Variants in RMDN1 observed in about 807,000 individuals in gnomAD.
The protein encoded by RMDN1 is regulator of microtubule dynamics protein 1.
RMDN1 carries 48 observed loss-of-function variants against 48.9 expected under a neutral mutation model. That is an observed-to-expected ratio of 0.98 (90% CI 0.78 to 1.25). The LOEUF (loss-of-function observed/expected upper bound fraction) is 1.25. RMDN1 is among the 50% of genes most tolerant of loss of function. RMDN1 has a pLI of 0.00. For missense variants in RMDN1, 418 were observed against 373.4 expected (o/e 1.12, Z -0.98); for synonymous variants, 148 against 132.6 (o/e 1.12, Z -0.80).
intron 8 of RMDN1, among the ~76,000 whole-genome samples, chr8:86,476,569 C>T (rs1056888824): frequency 5.3e-5 from 8 of 152,220 alleles, no homozygotes; most frequent in Non-Finnish European, 8.8e-5. Flanking sequence ...GGGCTGGTGG[C>T]AGTTTCATAG....
rs138294461 is a variant in RMDN1 at position 86,474,834 on chromosome 8, C to G, written c.880G>C (p.Glu294Gln). Reference sequence around the variant, plus strand: ...AGATGTTTTACCTGTTTATCCTCCTCTGTGTGTGCTGGATAGTCCTTGGCT... The same window carrying G: ...AGATGTTTTACCTGTTTATCCTCCTGTGTGTGTGCTGGATAGTCCTTGGCT... ...MKAKDYPAHT[E>Q]EDKQIQTEAA... The change falls in exon 9 of 10, where the codon GAG (glutamate) becomes CAG (glutamine). Residue 294 changes from glutamate (E) to glutamine (Q), a missense_variant. By Grantham distance (29) the Glu-to-Gln change is conservative (BLOSUM62 2). Coordinates refer to ENST00000406452, the MANE Select transcript of RMDN1 (RefSeq NM_016033.3). 7.9e-5 allele frequency: 127 copies of G among 1,609,552 alleles called. No homozygotes were observed. The highest frequency in any genetic ancestry group is 1.7e-4 in the Middle Eastern group (1 of 6,054).
At chr8:86,468,308 G>A (rs982956219), downstream of RMDN1, 1 of 426,858 alleles carries the variant, frequency 2.3e-6, no homozygotes, top group East Asian at 7.1e-5. Flanking sequence ...TATTGAGAGT[G>A]TGTTCTCCAT....
rs903339056 is a variant in RMDN1 at position 86,478,934 on chromosome 8, T to G, written c.718A>C (p.Thr240Pro). 1 of 1,613,228 alleles carries G rather than the reference T, an allele frequency of 6.2e-7. No individual in the cohort carries two copies. The highest frequency in any genetic ancestry group is 8.5e-7 in the Non-Finnish European group (1 of 1,179,388). ...KMLFATPPSS[T>P]YEKALGYFHR... is the part of the protein sequence containing the mutation. ...GGACATCATACTACCTTCTCATAGG[T>G]GGAACTAGGAGGAGTTGCAAACAGC... The change falls in exon 7 of 10, where the codon ACC becomes CCC. Residue 240 changes from threonine to proline, a missense_variant. Coordinates refer to ENST00000406452, the MANE Select transcript of RMDN1 (RefSeq NM_016033.3).
At chr8:86,507,563 C>A (rs912655291) in intron 1 of RMDN1, among the ~76,000 whole-genome samples, 4 of 152,118 alleles carry the variant, frequency 2.6e-5, no homozygotes, top group Admixed American at 2.6e-4. Context: ...TGGTTTCAAA[C>A]CCCTGGACTC....
intron 8 of RMDN1, 23 bp from the exon 9 acceptor site, chr8:86,474,976 G>C (rs759896641): frequency 6.4e-7 from 1 of 1,569,134 alleles, no homozygotes; most frequent in Non-Finnish European, 8.6e-7. Context: ...AAGAAAAAAT[G>C]ATCTCAGAGG....
chr8:86,501,069 C>T (rs558225154), intron 2 of RMDN1, among the ~76,000 whole-genome samples: 1 of 152,020 alleles, frequency 6.6e-6, no homozygotes, highest in South Asian at 2.1e-4. Context: ...AGGAGGTAGG[C>T]GAGTGTCAAA....
chr8:86,507,205 C>T, intron 1 of RMDN1, 93 bp from the exon 2 acceptor site: 1 of 727,120 alleles, frequency 1.4e-6, no homozygotes, highest in African/African-American at 1.8e-5. Context: ...CTCCCACCCC[C>T]AAAGCAATCG....
At position 86,484,938 on chromosome 8, in the gene RMDN1, A is replaced by G; in HGVS notation, c.519T>C (p.Asp173=). 1.2e-6 allele frequency: 2 copies of G among 1,604,510 alleles called. No individual in the cohort carries two copies. The highest frequency in any genetic ancestry group is 1.7e-6 in the Non-Finnish European group (2 of 1,173,622). The change falls in exon 5 of 10, where the codon GAT becomes GAC. Residue 173 remains aspartate (D), a synonymous_variant. Transcript: ENST00000406452. ...SHKWYAICLS[D]VGDYEGIKAK... is the part of the protein sequence containing the mutation. ...CCTTGATGCCTTCATAATCTCCAACATCACTAAGGCAGATTGCATACCACT... is the reference window on the plus strand; with the variant it reads ...CCTTGATGCCTTCATAATCTCCAACGTCACTAAGGCAGATTGCATACCACT...
chr8:86,481,661 G>T, intron 5 of RMDN1: 1 of 366,848 alleles, frequency 2.7e-6, no homozygotes, highest in Non-Finnish European at 5.1e-6. Flanking sequence ...AAGACCCAAT[G>T]GATGTAGGTT....
chr8:86,489,097 C>G (rs1472156271), intron 2 of RMDN1, among the ~76,000 whole-genome samples: 1 of 152,172 alleles, frequency 6.6e-6, no homozygotes, highest in African/African-American at 2.4e-5. Context: ...CTGTTAACTA[C>G]CAACCATTGT....
Position 86,480,323 on chromosome 8 carries a change from C to G in RMDN1, c.595G>C (p.Glu199Gln), listed in dbSNP as rs1306372773. The change falls in exon 6 of 10, where the codon GAA becomes CAA. Residue 199 changes from glutamate (E) to glutamine (Q), a missense_variant. Glu to Gln is a conservative substitution (Grantham distance 29). Coordinates refer to ENST00000406452, the MANE Select transcript of RMDN1 (RefSeq NM_016033.3). ...IIKEHFEKAI[E>Q]LNPKDATSIH... Reference sequence around the variant, plus strand: ...GAAGTAGCATCTTTAGGGTTCAGTTCAATTGCTTTCTAACAAGAAATGAGA... The same window carrying G: ...GAAGTAGCATCTTTAGGGTTCAGTTGAATTGCTTTCTAACAAGAAATGAGA... 2.6e-6 allele frequency: 4 copies of G among 1,527,688 alleles called. No individual in the cohort carries two copies. The highest frequency in any genetic ancestry group is 2.7e-6 in the Non-Finnish European group (3 of 1,122,562). 94.6% of individuals were successfully genotyped at this position (1,527,688 alleles called of 1,614,324 possible). A position where few individuals can be genotyped will look rare whatever the true frequency, so the allele number is the denominator to read the frequency against.
downstream of RMDN1, among the ~76,000 whole-genome samples, chr8:86,471,573 C>T (rs1043399126): frequency 1.3e-5 from 2 of 151,534 alleles, no homozygotes; most frequent in Admixed American, 6.6e-5. Context: ...GAAAAAAATT[C>T]GGAGAAAAAG....
At chr8:86,485,486 T>C (rs1019021566) in intron 4 of RMDN1, among the ~76,000 whole-genome samples, 1 of 152,166 alleles carries the variant, frequency 6.6e-6, no homozygotes, top group Non-Finnish European at 1.5e-5. Flanking sequence ...AGAACTATAA[T>C]ACAAGGTAGA....
At chr8:86,489,551 G>A (rs1456997659) in intron 2 of RMDN1, among the ~76,000 whole-genome samples, 2 of 152,082 alleles carry the variant, frequency 1.3e-5, no homozygotes, top group Admixed American at 6.6e-5. Flanking sequence ...GGGTTTCTTG[G>A]CTGGGTGCGG....
intron 2 of RMDN1, among the ~76,000 whole-genome samples, chr8:86,492,242 C>CT (rs1462453115): frequency 6.6e-6 from 1 of 151,984 alleles, no homozygotes. Flanking sequence ...AAAAAAGAAC[C>CT]TTTAAGTTGG....
intron 5 of RMDN1, chr8:86,481,937 T>C (rs551853753): frequency 3.4e-4 from 274 of 812,762 alleles, no homozygotes; most frequent in Non-Finnish European, 5.0e-4. Flanking sequence ...AAAGATTCTC[T>C]AGTATTTGCT....
intron 2 of RMDN1, among the ~76,000 whole-genome samples, chr8:86,494,541 G>C (rs1817007645): frequency 6.6e-6 from 1 of 152,196 alleles, no homozygotes; most frequent in South Asian, 2.1e-4. Flanking sequence ...GGGTGACAGA[G>C]CGAGACTCTG....
chr8:86,480,804 T>TTC (rs1402177131), intron 5 of RMDN1, among the ~76,000 whole-genome samples: 1 of 151,544 alleles, frequency 6.6e-6, no homozygotes, highest in Middle Eastern at 3.3e-3. Context: ...TCTATGCAGA[T>TTC]TTTAGAAAGT....
intron 8 of RMDN1, among the ~76,000 whole-genome samples, chr8:86,475,843 C>T (rs998750542): frequency 1.3e-5 from 2 of 151,980 alleles, no homozygotes; most frequent in South Asian, 2.1e-4. Flanking sequence ...TAAATATATT[C>T]GTATATTCAA....
Sources: allele counts gnomAD v4.1 joint callset (sites outside exome capture counted in the v4.1 genomes callset), GRCh38; gene constraint gnomAD v4.1.1; transcripts MANE v1.5; gene names NCBI Gene and HGNC (gene_info 2026-07-23, HGNC 2026-07-21).